The following PSD3 variants were observed in gnomAD, a reference collection of about 807,000 sequenced individuals.
The protein encoded by PSD3 is PH and SEC7 domain-containing protein 3.
Under a neutral mutation model 105.5 loss-of-function variants are expected in PSD3, and 49 were observed. The observed-to-expected ratio is 0.46, with a 90% CI of 0.37 to 0.59. The LOEUF (loss-of-function observed/expected upper bound fraction) is 0.59, where lower values mean the gene tolerates loss of function less well. PSD3 is among the 20% of genes least tolerant of loss of function. The pLI, the probability that PSD3 is intolerant of heterozygous loss-of-function variation, is 0.00. For missense variants in PSD3, 1,561 were observed against 1,263.8 expected, an observed-to-expected ratio of 1.24 and a Z score of -3.57; for synonymous variants, 557 against 457.8, an observed-to-expected ratio of 1.22 and a Z score of -2.77.
chr8:18,802,177 T>C, intron 6 of PSD3: 1 of 203,654 alleles, frequency 4.9e-6, no homozygotes, highest in South Asian at 8.2e-5. Context: ...AGGAGGAAAT[T>C]GGGAGATATA....
chr8:19,078,607 T>C (rs776430986), intron 1 of PSD3, among the ~76,000 whole-genome samples: 16 of 151,920 alleles, frequency 1.1e-4, no homozygotes, highest in Non-Finnish European at 1.9e-4. Flanking sequence ...ACCTCCATGG[T>C]GTAACCATCT....
At chr8:18,797,078 T>C (rs944737331) in intron 8 of PSD3, among the ~76,000 whole-genome samples, 1 of 152,162 alleles carries the variant, frequency 6.6e-6, no homozygotes, top group Non-Finnish European at 1.5e-5. Context: ...AAGAATAATT[T>C]ATTTTTAAAA....
intron 12 of PSD3, among the ~76,000 whole-genome samples, chr8:18,584,013 T>C (rs532430369): frequency 1.2e-3 from 186 of 152,340 alleles, no homozygotes; most frequent in Middle Eastern, 6.8e-3. Flanking sequence ...ACTTAAGCCA[T>C]ATTTTAAGTG....
intron 1 of PSD3, among the ~76,000 whole-genome samples, chr8:19,061,257 A>G (rs985555327): frequency 2.6e-5 from 4 of 152,176 alleles, no homozygotes; most frequent in Admixed American, 1.3e-4. Context: ...AAACAAACAA[A>G]AAAGATGAAG....
At chr8:18,814,527 T>C (rs1427665394) in intron 4 of PSD3, among the ~76,000 whole-genome samples, 2 of 152,262 alleles carry the variant, frequency 1.3e-5, no homozygotes, top group East Asian at 3.8e-4. Flanking sequence ...ACTAAGTTGC[T>C]GCTCTTGTGG....
At chr8:18,590,508 T>C (rs572049470) in intron 12 of PSD3, among the ~76,000 whole-genome samples, 7 of 152,168 alleles carry the variant, frequency 4.6e-5, no homozygotes, top group Non-Finnish European at 1.0e-4. Flanking sequence ...AACAGACATG[T>C]TGTCACAAAC....
chr8:18,639,012 C>G (rs1290782549), intron 10 of PSD3, among the ~76,000 whole-genome samples: 3 of 152,144 alleles, frequency 2.0e-5, no homozygotes, highest in Non-Finnish European at 4.4e-5. Context: ...TGGCTTGTGC[C>G]AGTCTGAAAT....
At chr8:18,974,797 G>A (rs1472937750) in intron 1 of PSD3, among the ~76,000 whole-genome samples, 1 of 152,130 alleles carries the variant, frequency 6.6e-6, no homozygotes, top group Non-Finnish European at 1.5e-5. Context: ...CAGAAGACCT[G>A]CTAGCTATAC....
chr8:18,617,550 C>T (rs938386227), intron 11 of PSD3, among the ~76,000 whole-genome samples: 1 of 152,076 alleles, frequency 6.6e-6, no homozygotes, highest in Non-Finnish European at 1.5e-5. Context: ...ACAAACAAAA[C>T]TCTTATATTT....
intron 1 of PSD3, among the ~76,000 whole-genome samples, chr8:18,992,249 C>T (rs577256624): frequency 7.2e-5 from 11 of 151,996 alleles, no homozygotes; most frequent in African/African-American, 2.7e-4. Context: ...TAAATCAAGG[C>T]AAGTGGGACT....
At chr8:19,078,376 A>G (rs1419352623) in intron 1 of PSD3, among the ~76,000 whole-genome samples, 1 of 152,222 alleles carries the variant, frequency 6.6e-6, no homozygotes, top group African/African-American at 2.4e-5. Context: ...ATTTTATAGT[A>G]CATTTATAGA....
chr8:18,935,681 G>A (rs1166278311), intron 2 of PSD3, among the ~76,000 whole-genome samples: 1 of 130,788 alleles, frequency 7.6e-6, no homozygotes, highest in Non-Finnish European at 1.6e-5. Flanking sequence ...GGATGACAGA[G>A]CAAGACTTTG....
chr8:18,622,405 A>T (rs1427521285), intron 11 of PSD3, among the ~76,000 whole-genome samples: 1 of 152,208 alleles, frequency 6.6e-6, no homozygotes, highest in Non-Finnish European at 1.5e-5. Flanking sequence ...ACTGTGTCAT[A>T]ATAGGCTGTA....
chr8:18,654,930 A>G (rs1410129161), intron 10 of PSD3, among the ~76,000 whole-genome samples: 1 of 152,160 alleles, frequency 6.6e-6, no homozygotes, highest in Non-Finnish European at 1.5e-5. Context: ...TAGGAAGGAG[A>G]TAATTAAAAT....
chr8:18,647,681 G>T (rs997863740), intron 10 of PSD3, among the ~76,000 whole-genome samples: 2 of 147,586 alleles, frequency 1.4e-5, no homozygotes, highest in Admixed American at 1.4e-4. Context: ...ACTAGGATAA[G>T]GGAGTGATTT....
At chr8:18,677,501 G>A (rs1050342578) in intron 9 of PSD3, among the ~76,000 whole-genome samples, 2 of 152,306 alleles carry the variant, frequency 1.3e-5, no homozygotes, top group South Asian at 4.1e-4. Context: ...GCCCAGGTCA[G>A]GCCATTGCAC....
intron 4 of PSD3, among the ~76,000 whole-genome samples, chr8:18,845,655 GGGTGGGTGT>G (rs1815024945): frequency 6.6e-6 from 1 of 152,180 alleles, no homozygotes; most frequent in South Asian, 2.1e-4. Flanking sequence ...TAGCAGAAGA[GGGTGGGTGT>G]GGTGGCTCGC....
At position 18,925,757 on chromosome 8, in the gene PSD3, G is replaced by A. The variant is rs573751405; in HGVS notation, c.130+10277C>T. Among the ~76,000 whole-genome samples the A allele has an allele frequency of 1.2e-4, 18 of 152,254 alleles. 1 individual carries two copies. The South Asian group carries it at 3.1e-3, about 26-fold the overall frequency. Reference sequence around the variant, plus strand: ...GTCGAAGTCAAAAACTACTGTTAACGAGGAAGATGACTGGAGGACGCATTT... The same window carrying A: ...GTCGAAGTCAAAAACTACTGTTAACAAGGAAGATGACTGGAGGACGCATTT... On this transcript the variant is annotated intron_variant, in intron 2 of 15. Transcript: ENST00000327040.
intron 2 of PSD3, among the ~76,000 whole-genome samples, chr8:18,921,354 C>G (rs1821009355): frequency 6.6e-6 from 1 of 152,206 alleles, no homozygotes; most frequent in African/African-American, 2.4e-5. Flanking sequence ...GTTCTCGAGC[C>G]TGTATGTGCA....
Sources: gnomAD v4.1 joint callset for allele counts (sites outside exome capture counted in the v4.1 genomes callset) on GRCh38, gnomAD v4.1.1 for gene constraint, MANE v1.5 for transcripts, NCBI Gene and HGNC (gene_info 2026-07-23, HGNC 2026-07-21) for gene names.